CACNA2D4: variants seen among roughly 807,000 people sequenced by gnomAD.
The protein encoded by CACNA2D4 is voltage-dependent calcium channel subunit alpha-2/delta-4.
A neutral mutation model predicts 163.8 loss-of-function variants in CACNA2D4; 157 were observed. That is an observed-to-expected ratio of 0.96 (90% confidence interval 0.84 to 1.09). The LOEUF (loss-of-function observed/expected upper bound fraction) is 1.09. Ranked by LOEUF, CACNA2D4 falls within the 50% of genes least tolerant of loss-of-function variation. The probability of loss-of-function intolerance (pLI) is 0.00; values close to 1 mark genes in which losing one functional copy is unlikely to be tolerated. For missense variants in CACNA2D4, 1,410 were observed against 1,479.9 expected, an observed-to-expected ratio of 0.95 and a Z score of 0.78; for synonymous variants, 598 against 586.9, an observed-to-expected ratio of 1.02 and a Z score of -0.27.
At chr12:1,854,213 C>A (rs548833265) in intron 22 of CACNA2D4, among the ~76,000 whole-genome samples, 169 bp from the exon 23 acceptor site, 2 of 152,306 alleles carry the variant, frequency 1.3e-5, no homozygotes, top group Non-Finnish European at 2.9e-5. Flanking sequence ...TCTGTCTTCA[C>A]TTTCTCAACT....
At position 1,882,860 on chromosome 12, in the gene CACNA2D4, G is replaced by A; in HGVS notation, c.1485+7C>T. On this transcript the variant is annotated splice_region_variant and intron_variant, in intron 13 of 37. Coordinates refer to ENST00000382722, the MANE Select transcript of CACNA2D4 (RefSeq NM_172364.5). ...CTTCTCGAGCTGGGAGCTGCTGCCA[G>A]GCTCACCTTGCTGTCCATGTAGGCC... 2 of 1,613,582 alleles carry A rather than the reference G, an allele frequency of 1.2e-6. No individual in the cohort carries two copies. The highest frequency in any genetic ancestry group is 1.7e-6 in the Non-Finnish European group (2 of 1,179,702).
rs1396300413 is a variant in CACNA2D4, at chr12:1,856,104, T to C, written c.2060A>G (p.Tyr687Cys). 3.1e-6 allele frequency: 5 copies of C among 1,613,914 alleles called. No individual in the cohort carries two copies. Among genetic ancestry groups the C allele is most frequent in the East Asian group, 2.2e-5 (1 of 44,880 alleles). Reference protein sequence around the residue: ...PDLALAGDWIYCITDIDPDHR... With the variant: ...PDLALAGDWICCITDIDPDHR... ...GTCTGGGTCAATATCTGTGATGCAG[T>C]AGATCCTGAAACCCAGGAAAGTCAG... Residue 687 changes from tyrosine to cysteine, a missense_variant, in exon 22 of 38, where the codon TAC becomes TGC. Transcript: ENST00000382722.
intron 13 of CACNA2D4, 61 bp downstream of exon 13, chr12:1,882,806 C>T: frequency 6.3e-7 from 1 of 1,590,060 alleles, no homozygotes; most frequent in Non-Finnish European, 8.6e-7. Context: ...TAACTTCTTA[C>T]TCCCTGGGGT....
chr12:1,904,965 AAAACATAAAACTAGC>A (rs1238832301), intron 6 of CACNA2D4, among the ~76,000 whole-genome samples: 2 of 152,078 alleles, frequency 1.3e-5, no homozygotes, highest in African/African-American at 4.8e-5. Context: ...CAGCATGGAT[AAAACATAAAACTAGC>A]AAGCAAATCT....
In CACNA2D4 at chr12:1,874,062, A is replaced by G. The variant is rs1865836021; in HGVS notation, c.1878+542T>C. Among the ~76,000 whole-genome samples, 1 of 152,228 alleles carries G rather than the reference A, an allele frequency of 6.6e-6. No individual in the cohort carries two copies. The highest frequency in any genetic ancestry group is 1.5e-5 in the Non-Finnish European group (1 of 68,040). On this transcript the variant is annotated intron_variant, in intron 18 of 37. Transcript: ENST00000382722. The surrounding 1 kb of genome is among the most constrained non-coding windows in gnomAD (Gnocchi z 4.4). ...GGGACAATGCAGAATCAGTAGACAC[A>G]TTGGAACCTTTTAAGTGAGAAGATG...
At chr12:1,857,259 T>C (rs1865420445) in intron 20 of CACNA2D4, among the ~76,000 whole-genome samples, 1 of 152,128 alleles carries the variant, frequency 6.6e-6, no homozygotes, top group Non-Finnish European at 1.5e-5. Flanking sequence ...AGAGGGGATC[T>C]ACCAGGGGCA....
intron 6 of CACNA2D4, among the ~76,000 whole-genome samples, chr12:1,890,460 C>T (rs988607360): frequency 6.6e-6 from 1 of 152,196 alleles, no homozygotes; most frequent in Non-Finnish European, 1.5e-5. Context: ...AGTGAAATCA[C>T]CACAAATTTT....
rs984774186 is a variant in CACNA2D4 at position 1,878,063 on chromosome 12, C to T, written c.1719+252G>A. On this transcript the variant is annotated intron_variant, in intron 16 of 37. Transcript: ENST00000382722. The surrounding 1 kb of genome is among the most constrained non-coding windows in gnomAD (Gnocchi z 4.6). ...AATGGCCCTGCGGGCTCTTTAGCCT[C>T]AAAACTGCACACTTCGTTACGTGCT... is the stretch of plus-strand genomic sequence containing the variant. Among the ~76,000 whole-genome samples, 1 of 152,190 alleles carries T rather than the reference C, an allele frequency of 6.6e-6. No individual in the cohort carries two copies. The highest frequency in any genetic ancestry group is 2.1e-4 in the South Asian group (1 of 4,824).
chr12:1,845,063 G>A (rs1592706413), intron 24 of CACNA2D4, among the ~76,000 whole-genome samples: 1 of 151,892 alleles, frequency 6.6e-6, no homozygotes, highest in Non-Finnish European at 1.5e-5. Flanking sequence ...GAAGCAGAGT[G>A]GGAGGCAGGG....
rs993676547 is a variant in CACNA2D4 at position 1,802,712 on chromosome 12, G to A, written c.2722-1068C>T. 1.3e-5 allele frequency among the ~76,000 whole-genome samples: 2 copies of A among 152,194 alleles called. No homozygotes were observed. The highest frequency in any genetic ancestry group is 1.5e-5 in the Non-Finnish European group (1 of 68,030). ...CAGCCATCGTTAGGAGGAGAGGTCC[G>A]GGGTCCGGCTTGGCTGTTCTCCCTG... On this transcript the variant is annotated intron_variant, in intron 29 of 37. Coordinates refer to ENST00000382722, the MANE Select transcript of CACNA2D4 (RefSeq NM_172364.5). This position sits in a 1 kb window ranked among gnomAD's most constrained non-coding sequence, Gnocchi z 4.7.
At chr12:1,884,643 G>A (rs1299924208) in intron 11 of CACNA2D4, 125 bp downstream of exon 11, 1 of 678,040 alleles carries the variant, frequency 1.5e-6, no homozygotes, top group Non-Finnish European at 2.6e-6. Flanking sequence ...GCATCTGAAA[G>A]CAAGAATGGC....
intron 37 of CACNA2D4, 29 bp from the exon 38 acceptor site, chr12:1,793,788 C>T (rs201622475): frequency 2.1e-4 from 338 of 1,591,390 alleles, no homozygotes; most frequent in Non-Finnish European, 2.6e-4. Context: ...GGTGACAGCG[C>T]GGCGCTCAGA....
In CACNA2D4 at chr12:1,840,771, A is replaced by G. The variant is rs1085307701; in HGVS notation, c.2519T>C (p.Val840Ala). Residue 840 changes from valine to alanine, a missense_variant, in exon 26 of 38, where the codon GTG (valine) becomes GCG (alanine). Coordinates refer to ENST00000382722, the MANE Select transcript of CACNA2D4 (RefSeq NM_172364.5). ...MVVTASTAVAVTVDKRTAIAA... is the reference protein window; with the variant it reads ...MVVTASTAVAATVDKRTAIAA... ...AATGGCTGTCCTCTTGTCCACGGTC[A>G]CCGCCACAGCTGTGCTTGCCGTCAC... The G allele has an allele frequency of 6.2e-7, 1 of 1,613,782 alleles. No individual in the cohort carries two copies. The highest frequency in any genetic ancestry group is 8.5e-7 in the Non-Finnish European group (1 of 1,179,888).
At chr12:1,860,022 C>T in intron 19 of CACNA2D4, 123 bp downstream of exon 19, 1 of 753,084 alleles carries the variant, frequency 1.3e-6, no homozygotes, top group African/African-American at 1.7e-5. Flanking sequence ...CAGGTCTACA[C>T]CTCAAGTTTC....
In CACNA2D4 at chr12:1,833,396, A is replaced by G. The variant is rs1864716033; in HGVS notation, c.2551+7343T>C. On this transcript the variant is annotated intron_variant, in intron 26 of 37. Transcript: ENST00000382722. The surrounding 1 kb of genome is among the most constrained non-coding windows in gnomAD (Gnocchi z 4.2). ...AGGTCTAGACAGATTATTGTCCTCA[A>G]CCACCTTCTCTCTCACCCCAGCCCT... Among the ~76,000 whole-genome samples, 1 of 152,078 alleles carries G rather than the reference A, an allele frequency of 6.6e-6. No homozygotes were observed. Among genetic ancestry groups the G allele is most frequent in the African/African-American group, 2.4e-5 (1 of 41,392 alleles).
chr12:1,846,704 G>A lies in CACNA2D4; in HGVS notation c.2247-15C>T. On this transcript the variant is annotated splice_polypyrimidine_tract_variant and intron_variant, in intron 23 of 37. Coordinates refer to ENST00000382722, the MANE Select transcript of CACNA2D4 (RefSeq NM_172364.5). ...GTTCAGACTCCCTGTGTGGCAGACA[G>A]AGCGGGAATGGTCACCACATGGCTG... The A allele has an allele frequency of 6.3e-7, 1 of 1,578,110 alleles. No individual in the cohort carries two copies.
intron 6 of CACNA2D4, among the ~76,000 whole-genome samples, chr12:1,889,868 G>A (rs1372496476): frequency 2.6e-5 from 4 of 152,138 alleles, no homozygotes; most frequent in African/African-American, 9.7e-5. Flanking sequence ...GCTGACTAGA[G>A]GCATCTGGTA....
At chr12:1,865,851 T>G (rs1366185463) in intron 18 of CACNA2D4, among the ~76,000 whole-genome samples, 1 of 152,278 alleles carries the variant, frequency 6.6e-6, no homozygotes, top group African/African-American at 2.4e-5. Flanking sequence ...ATAACATTAA[T>G]TTTTATAAAA....
chr12:1,812,102 C>A (rs1033258050), intron 26 of CACNA2D4, among the ~76,000 whole-genome samples: 4 of 152,216 alleles, frequency 2.6e-5, no homozygotes, highest in African/African-American at 9.6e-5. Context: ...GAGACCCACC[C>A]TTTTGACCAA....
Sources: gnomAD v4.1 joint callset for allele counts (sites outside exome capture counted in the v4.1 genomes callset) on GRCh38, gnomAD v4.1.1 for gene constraint, Gnocchi (gnomAD v3.1) non-coding constraint, MANE v1.5 for transcripts, NCBI Gene and HGNC (gene_info 2026-07-23, HGNC 2026-07-21) for gene names.